SEM1: variants seen among roughly 807,000 people sequenced by gnomAD.
SEM1 encodes the protein 26S proteasome complex subunit SEM1.
SEM1 carries 3 observed loss-of-function variants against 12.7 expected under a neutral mutation model. The observed-to-expected ratio is 0.24, with a 90% CI of 0.11 to 0.61. The LOEUF is 0.61. Among genes scored for constraint, SEM1 ranks in the 20% least tolerant of loss-of-function variants. The pLI, the probability that SEM1 is intolerant of heterozygous loss-of-function variation, is 0.88. For missense variants in SEM1, 59 were observed against 81.3 expected, an observed-to-expected ratio of 0.73 and a Z score of 1.06; for synonymous variants, 30 against 27.8, an observed-to-expected ratio of 1.08 and a Z score of -0.25.
chr7:96,569,103 CGA>C (rs1366713253), intron 2 of SEM1, among the ~76,000 whole-genome samples: 3 of 151,684 alleles, frequency 2.0e-5, no homozygotes, highest in African/African-American at 7.3e-5. Context: ...TTTTAAGATG[CGA>C]CCCCGTTGTT....
At chr7:96,607,337 C>T (rs1297388225) in intron 2 of SEM1, among the ~76,000 whole-genome samples, 1 of 152,168 alleles carries the variant, frequency 6.6e-6, no homozygotes, top group Non-Finnish European at 1.5e-5. Context: ...CATATTTTCT[C>T]TTAAACCCAC....
intron 2 of SEM1, among the ~76,000 whole-genome samples, chr7:96,655,852 T>C (rs1809164499): frequency 6.6e-6 from 1 of 152,216 alleles, no homozygotes; most frequent in African/African-American, 2.4e-5. Flanking sequence ...ACTAGAATAT[T>C]TTGATAATTA....
chr7:96,696,484 T>C (rs1193555200), intron 1 of SEM1: 1 of 151,938 alleles, frequency 6.6e-6, no homozygotes, highest in Non-Finnish European at 1.5e-5. Flanking sequence ...AGCACTAATG[T>C]CTACGTAATA....
At chr7:96,521,810 G>C (rs1425778069) in intron 2 of SEM1, among the ~76,000 whole-genome samples, 3 of 152,054 alleles carry the variant, frequency 2.0e-5, no homozygotes, top group African/African-American at 7.2e-5. Flanking sequence ...TCACTGCCTG[G>C]GGTTTGCCAT....
chr7:96,540,069 T>TA (rs139185221), intron 2 of SEM1, among the ~76,000 whole-genome samples: 3 of 151,106 alleles, frequency 2.0e-5, no homozygotes, highest in Non-Finnish European at 4.4e-5. Context: ...ACAACTTATA[T>TA]AAAAAATTGA....
At chr7:96,687,539 A>T (rs1789798148), downstream of SEM1, among the ~76,000 whole-genome samples, 1 of 152,030 alleles carries the variant, frequency 6.6e-6, no homozygotes, top group African/African-American at 2.4e-5. Context: ...AAGGACAAAA[A>T]ACCAAACACC....
chr7:96,709,305 A>G (rs1478236568), intron 1 of SEM1, among the ~76,000 whole-genome samples: 1 of 152,218 alleles, frequency 6.6e-6, no homozygotes, highest in African/African-American at 2.4e-5. Flanking sequence ...TCAATTCTGG[A>G]AAGGTTTAAA....
chr7:96,524,272 C>T (rs1056207220), intron 2 of SEM1, among the ~76,000 whole-genome samples: 24 of 152,144 alleles, frequency 1.6e-4, no homozygotes, highest in Non-Finnish European at 2.9e-5. Flanking sequence ...AGGACCTCTT[C>T]TCTTAATTCA....
intron 2 of SEM1, among the ~76,000 whole-genome samples, chr7:96,611,793 G>C (rs988781415): frequency 6.6e-6 from 1 of 152,128 alleles, no homozygotes; most frequent in African/African-American, 2.4e-5. Context: ...ACAGTGTGGA[G>C]CTTTTCCATC....
intron 2 of SEM1, among the ~76,000 whole-genome samples, chr7:96,517,908 G>A (rs1804145712): frequency 6.6e-6 from 1 of 152,050 alleles, no homozygotes; most frequent in Non-Finnish European, 1.5e-5. Flanking sequence ...TCTCACTTAG[G>A]CTATGCACAG....
intron 1 of SEM1, among the ~76,000 whole-genome samples, chr7:96,708,843 T>C (rs1004190506): frequency 6.6e-6 from 1 of 152,126 alleles, no homozygotes; most frequent in Non-Finnish European, 1.5e-5. Context: ...CTATTACAAG[T>C]AAAGCACTTA....
chr7:96,646,090 T>A (rs1808783508), intron 2 of SEM1, among the ~76,000 whole-genome samples: 1 of 152,324 alleles, frequency 6.6e-6, no homozygotes, highest in Non-Finnish European at 1.5e-5. Flanking sequence ...TTTCCTAAGA[T>A]GTACTTCTCC....
At chr7:96,657,103 C>T (rs1008172648) in intron 2 of SEM1, among the ~76,000 whole-genome samples, 2 of 151,872 alleles carry the variant, frequency 1.3e-5, no homozygotes, top group African/African-American at 4.8e-5. Context: ...TTAAGTTGGA[C>T]ACTTTGAAAC....
At chr7:96,630,522 A>C (rs1214466804) in intron 2 of SEM1, among the ~76,000 whole-genome samples, 1 of 152,036 alleles carries the variant, frequency 6.6e-6, no homozygotes, top group East Asian at 1.9e-4. Context: ...CTCACTTTTC[A>C]GGGGAACAGG....
chr7:96,676,050 A>G (rs1789442807), intron 2 of SEM1, among the ~76,000 whole-genome samples: 1 of 152,238 alleles, frequency 6.6e-6, no homozygotes, highest in African/African-American at 2.4e-5. Flanking sequence ...GTACAAGAGA[A>G]TCCAGCAAAA....
chr7:96,569,640 T>C (rs2115969948), intron 2 of SEM1, among the ~76,000 whole-genome samples: 2 of 152,244 alleles, frequency 1.3e-5, no homozygotes, highest in African/African-American at 4.8e-5. Flanking sequence ...TTTAGCGTAG[T>C]CATCACCTGA....
intron 2 of SEM1, among the ~76,000 whole-genome samples, chr7:96,628,387 T>C (rs1268650224): frequency 1.3e-5 from 2 of 152,034 alleles, no homozygotes; most frequent in African/African-American, 4.8e-5. Flanking sequence ...GTTTCTTGCT[T>C]TTTATTTTTT....
chr7:96,627,633 G>A (rs981491670), intron 2 of SEM1, among the ~76,000 whole-genome samples: 1 of 152,084 alleles, frequency 6.6e-6, no homozygotes, highest in Non-Finnish European at 1.5e-5. Flanking sequence ...CAGAGAAGAT[G>A]CTTGATATGA....
In SEM1 at chr7:96,554,346, G is replaced by A. The variant is rs7785307; in HGVS notation, c.171-47648C>T. Among the ~76,000 whole-genome samples, 20 of 87,194 alleles carry A rather than the reference G, an allele frequency of 2.3e-4. 2 individuals carry two copies. The highest frequency in any genetic ancestry group is 1.2e-3 in the Admixed American group (10 of 8,138). 57.2% of individuals were successfully genotyped at this position (87,194 alleles called of 152,430 possible). ...TGGCTGTGGGTTTGTCATAGATAGC[G>A]CTTATTATTTTGAAATACATCCCAT... On this transcript the variant is annotated intron_variant and NMD_transcript_variant, in intron 2 of 3. Transcript: ENST00000466986.
Sources: gnomAD v4.1 joint callset for allele counts (sites outside exome capture counted in the v4.1 genomes callset) on GRCh38, gnomAD v4.1.1 for gene constraint, MANE v1.5 for transcripts, NCBI Gene and HGNC (gene_info 2026-07-23, HGNC 2026-07-21) for gene names.